GC: variants seen among roughly 807,000 people sequenced by gnomAD.
GC encodes vitamin D-binding protein.
Under a neutral mutation model 56.7 loss-of-function variants are expected in GC, and 43 were observed. The observed-to-expected ratio is 0.76, with a 90% CI of 0.59 to 0.98. The LOEUF (loss-of-function observed/expected upper bound fraction) is 0.98, where lower values mean the gene tolerates loss of function less well. Ranked by LOEUF, GC falls within the 50% of genes least tolerant of loss-of-function variation. The pLI is 0.00. For missense variants in GC, 529 were observed against 545.9 expected (o/e 0.97, Z 0.31); for synonymous variants, 216 against 202.7 (o/e 1.07, Z -0.56).
At chr4:71,752,673 G>A (rs1741596860) in intron 10 of GC, 23 bp from the exon 11 acceptor site, 1 of 1,599,872 alleles carries the variant, frequency 6.3e-7, no homozygotes, top group African/African-American at 1.3e-5. Context: ...TTAAATGTAA[G>A]GTCTTACTAC....
In GC at chr4:71,756,835, G is replaced by C. The variant is rs762123144; in HGVS notation, c.911C>G (p.Thr304Arg). The C allele has an allele frequency of 1.9e-6, 3 of 1,613,100 alleles. No homozygotes were observed. The highest frequency in any genetic ancestry group is 2.5e-6 in the Non-Finnish European group (3 of 1,179,200). The change falls in exon 8 of 13, where the codon ACA (threonine) becomes AGA (arginine). Residue 304 changes from threonine (T) to arginine (R), a missense_variant. Transcript: ENST00000273951. The part of the protein sequence containing the change: ...SKFEDCCQEK[T>R]AMDVFVCTYF... ...AGTGCACACAAAAACGTCCATGGCT[G>C]TTTTTTCTTGACAACAGTCTTCAAA... is the stretch of plus-strand genomic sequence containing the variant.
At chr4:71,775,996 G>A (rs1187681651) in intron 1 of GC, among the ~76,000 whole-genome samples, 1 of 151,860 alleles carries the variant, frequency 6.6e-6, no homozygotes, top group Non-Finnish European at 1.5e-5. Context: ...CAGAAAGATT[G>A]AAAGATAAGC....
chr4:71,787,837 A>C (rs1742876324), upstream of GC, among the ~76,000 whole-genome samples: 1 of 151,882 alleles, frequency 6.6e-6, no homozygotes, highest in Non-Finnish European at 1.5e-5. Flanking sequence ...AAGTGGATGG[A>C]TATTAATGCC....
chr4:71,793,833 A>C (rs970189656), intron 1 of GC, among the ~76,000 whole-genome samples: 4 of 152,144 alleles, frequency 2.6e-5, no homozygotes, highest in Non-Finnish European at 5.9e-5. Context: ...ACGTTCCATC[A>C]ATACCTAGTT....
Position 71,758,047 on chromosome 4 carries a change from T to C in GC, c.826A>G (p.Lys276Glu). The change falls in exon 7 of 13, where the codon AAA (lysine) becomes GAA (glutamate). Residue 276 changes from lysine to glutamate, a missense_variant. By Grantham distance (56) the Lys-to-Glu change is moderately conservative. Coordinates refer to ENST00000273951, the MANE Select transcript of GC (RefSeq NM_000583.4). ...GATAATAAAGCTTGTCTTACCTCTT[T>C]GGCCATGCAATCTTCAGAGGCAGAC... ...CESASEDCMA[K>E]ELPEHTVKLC... is the part of the protein sequence containing the mutation. 1 of 1,613,142 alleles carries C rather than the reference T, an allele frequency of 6.2e-7. No homozygotes were observed. The highest frequency in any genetic ancestry group is 1.3e-5 in the African/African-American group (1 of 75,006).
At chr4:71,776,918 G>GAT (rs1332614043) in intron 1 of GC, among the ~76,000 whole-genome samples, 3 of 151,754 alleles carry the variant, frequency 2.0e-5, no homozygotes, top group African/African-American at 7.3e-5. Flanking sequence ...TAATGGAGAG[G>GAT]ATATATTGGA....
rs569937361 is a variant in GC, at chr4:71,757,596, G to A, written c.831+446C>T. Among the ~76,000 whole-genome samples the A allele has an allele frequency of 1.4e-4, 8 of 57,194 alleles. No individual in the cohort carries two copies. In the South Asian group the frequency reaches 6.8e-3, roughly 48 times the overall value. The allele number at this position is 57,194 out of a possible 152,430, so 37.5% of individuals were successfully genotyped here. ...GAAGTGCCGCTTAATGGAACTTTAC[G>A]CAATAATGAAAATGATCTGTATTTG... On this transcript the variant is annotated intron_variant, in intron 7 of 12. Transcript: ENST00000273951.
At chr4:71,774,715 T>C (rs986574840) in intron 1 of GC, among the ~76,000 whole-genome samples, 4 of 152,040 alleles carry the variant, frequency 2.6e-5, no homozygotes, top group African/African-American at 9.7e-5. Context: ...TGCTTTAATC[T>C]TCACAAAAAT....
chr4:71,777,760 G>A (rs1453025259), intron 1 of GC, among the ~76,000 whole-genome samples: 1 of 150,092 alleles, frequency 6.7e-6, no homozygotes, highest in Non-Finnish European at 1.5e-5. Flanking sequence ...TCTTGCTATT[G>A]TATTTTTTAA....
chr4:71,753,368 T>A (rs1424213627), intron 10 of GC, among the ~76,000 whole-genome samples: 2 of 151,794 alleles, frequency 1.3e-5, no homozygotes, highest in African/African-American at 2.4e-5. Flanking sequence ...CAAGAGTGGA[T>A]GCTGGGAAGG....
intron 8 of GC, among the ~76,000 whole-genome samples, chr4:71,755,924 A>G (rs1339029710): frequency 6.6e-6 from 1 of 152,212 alleles, no homozygotes; most frequent in Non-Finnish European, 1.5e-5. Flanking sequence ...TTGATATTTC[A>G]ACCTGCTGCT....
intron 1 of GC, among the ~76,000 whole-genome samples, chr4:71,796,091 T>C (rs1352406120): frequency 1.3e-5 from 2 of 152,218 alleles, no homozygotes; most frequent in Non-Finnish European, 2.9e-5. Flanking sequence ...CCCTTAACAC[T>C]TTTTCCTTTA....
At chr4:71,781,099 G>A (rs1742661261) in intron 1 of GC, among the ~76,000 whole-genome samples, 1 of 152,034 alleles carries the variant, frequency 6.6e-6, no homozygotes, top group Non-Finnish European at 1.5e-5. Context: ...CATGGGTGAA[G>A]CTGGAAACCA....
At chr4:71,803,574 G>A (rs1260344061) in intron 1 of GC, among the ~76,000 whole-genome samples, 6 of 152,020 alleles carry the variant, frequency 3.9e-5, no homozygotes, top group African/African-American at 9.7e-5. Flanking sequence ...TAAAAATACC[G>A]GGTATTTCTG....
In GC at chr4:71,763,514, G is replaced by A; in HGVS notation, c.607-12C>T. Reference sequence around the variant, plus strand: ...TTAAGCTGGAGTCTCTAGAAAACAAGTGAAAGAATCTCATTATATGGTCAA... The same window carrying A: ...TTAAGCTGGAGTCTCTAGAAAACAAATGAAAGAATCTCATTATATGGTCAA... On this transcript the variant is annotated splice_polypyrimidine_tract_variant and intron_variant, in intron 5 of 12. Coordinates refer to ENST00000273951, the MANE Select transcript of GC (RefSeq NM_000583.4). 2.0e-6 allele frequency: 3 copies of A among 1,479,398 alleles called. No homozygotes were observed. The highest frequency in any genetic ancestry group is 2.8e-6 in the Non-Finnish European group (3 of 1,059,072). 91.6% of individuals were successfully genotyped at this position (1,479,398 alleles called of 1,614,324 possible).
chr4:71,797,634 G>A (rs995931216), intron 1 of GC, among the ~76,000 whole-genome samples: 2 of 152,212 alleles, frequency 1.3e-5, no homozygotes, highest in South Asian at 2.1e-4. Flanking sequence ...CCTGACTGAG[G>A]TGATGCCCCG....
intron 9 of GC, 37 bp downstream of exon 9, chr4:71,754,941 A>G (rs1453468545): frequency 1.4e-6 from 2 of 1,477,156 alleles, no homozygotes; most frequent in Non-Finnish European, 1.8e-6. Context: ...CCAACCCTTG[A>G]TCTATGTGCT....
intron 1 of GC, among the ~76,000 whole-genome samples, chr4:71,795,475 G>T (rs372739349): frequency 3.7e-4 from 56 of 152,184 alleles, no homozygotes; most frequent in Middle Eastern, 3.4e-3. Flanking sequence ...GACTCCGATT[G>T]CAACCCCTGC....
chr4:71,762,139 T>C (rs903872954), intron 6 of GC, among the ~76,000 whole-genome samples: 2 of 152,184 alleles, frequency 1.3e-5, no homozygotes, highest in African/African-American at 2.4e-5. Context: ...GGCTGTACCC[T>C]GCAAAGCCAC....
Sources: gnomAD v4.1 joint callset for allele counts (sites outside exome capture counted in the v4.1 genomes callset) on GRCh38, gnomAD v4.1.1 for gene constraint, MANE v1.5 for transcripts, NCBI Gene and HGNC (gene_info 2026-07-23, HGNC 2026-07-21) for gene names.